Variants in NBAS observed in about 807,000 individuals in gnomAD.
NBAS encodes the protein NAG/BC035112 fusion.
A neutral mutation model predicts 302.5 loss-of-function variants in NBAS; 219 were observed. The observed-to-expected ratio is 0.72, with a 90% CI of 0.65 to 0.81. The LOEUF is 0.81. Among genes scored for constraint, NBAS ranks in the 30% least tolerant of loss-of-function variants. NBAS has a pLI of 0.00. For synonymous variants in NBAS, 1,118 were observed against 1,021.6 expected (o/e 1.09, Z -1.80); for missense variants, 2,932 against 2,841.6 (o/e 1.03, Z -0.72).
chr2:15,166,457 G>C (rs555004247), downstream of NBAS, among the ~76,000 whole-genome samples: 1 of 152,300 alleles, frequency 6.6e-6, no homozygotes, highest in Non-Finnish European at 1.5e-5. Context: ...ACTAGTGAGT[G>C]GGACAGAGAG....
At chr2:15,132,011 C>A in the NBAS span, among the ~76,000 whole-genome samples, 1 of 152,208 alleles carries the variant, frequency 6.6e-6, no homozygotes, top group Non-Finnish European at 1.5e-5. Context: ...CCTTCAACAT[C>A]AGGGATCATA....
At chr2:14,805,168 T>C in the NBAS span, among the ~76,000 whole-genome samples, 1 of 152,186 alleles carries the variant, frequency 6.6e-6, no homozygotes, top group African/African-American at 2.4e-5. Flanking sequence ...TGACAGGTGC[T>C]AGCAGAGATG....
At chr2:15,073,314 A>G in the NBAS span, among the ~76,000 whole-genome samples, 3 of 151,952 alleles carry the variant, frequency 2.0e-5, no homozygotes, top group East Asian at 5.8e-4. Context: ...CACTGTCTCT[A>G]CTAAAAATAC....
intron 9 of NBAS, among the ~76,000 whole-genome samples, chr2:15,515,430 G>A (rs1253398615): frequency 6.6e-6 from 1 of 152,190 alleles, no homozygotes. Flanking sequence ...GTGCATGCCT[G>A]TAGTCCCAGC....
At chr2:15,209,397 T>A (rs867062893) in intron 48 of NBAS, among the ~76,000 whole-genome samples, 2 of 152,220 alleles carry the variant, frequency 1.3e-5, no homozygotes, top group South Asian at 2.1e-4. Flanking sequence ...ATTCCAACTA[T>A]TCCAAACAAT....
the NBAS span, among the ~76,000 whole-genome samples, chr2:15,085,646 C>A: frequency 1.3e-5 from 2 of 152,134 alleles, no homozygotes; most frequent in Non-Finnish European, 2.9e-5. Context: ...TGCAGCCACC[C>A]AAGTCAGGAT....
intron 32 of NBAS, among the ~76,000 whole-genome samples, chr2:15,361,077 G>T (rs755564975): frequency 6.6e-6 from 1 of 152,128 alleles, no homozygotes; most frequent in African/African-American, 2.4e-5. Flanking sequence ...AGTGAATAAC[G>T]TGTTATAACG....
chr2:14,864,603 T>C, the NBAS span, among the ~76,000 whole-genome samples: 1 of 152,134 alleles, frequency 6.6e-6, no homozygotes, highest in African/African-American at 2.4e-5. Flanking sequence ...AAGGAAATAA[T>C]GTATTGTAAA....
At chr2:14,922,915 G>T in the NBAS span, among the ~76,000 whole-genome samples, 1 of 152,178 alleles carries the variant, frequency 6.6e-6, no homozygotes, top group Admixed American at 6.5e-5. Context: ...CACTTTGGGA[G>T]GCCGAGGTGG....
chr2:14,782,073 G>A, the NBAS span, among the ~76,000 whole-genome samples: 1 of 152,076 alleles, frequency 6.6e-6, no homozygotes, highest in Non-Finnish European at 1.5e-5. Context: ...ACTGACTGGG[G>A]TATCCATCAT....
At chr2:15,543,270 T>C (rs1417997831) in intron 6 of NBAS, among the ~76,000 whole-genome samples, 1 of 152,168 alleles carries the variant, frequency 6.6e-6, no homozygotes, top group Non-Finnish European at 1.5e-5. Context: ...CTATTTTCTC[T>C]GCCTGGAACA....
chr2:15,102,349 G>A, the NBAS span, among the ~76,000 whole-genome samples: 1 of 152,174 alleles, frequency 6.6e-6, no homozygotes, highest in Non-Finnish European at 1.5e-5. Context: ...ACACACCCAG[G>A]AACTGCAGAC....
chr2:15,029,986 A>T, the NBAS span, among the ~76,000 whole-genome samples: 1 of 152,216 alleles, frequency 6.6e-6, no homozygotes, highest in Non-Finnish European at 1.5e-5. Context: ...AAAAGGATTC[A>T]TTTTTCAAAA....
intron 11 of NBAS, among the ~76,000 whole-genome samples, chr2:15,500,018 T>C (rs1481776779): frequency 6.6e-6 from 1 of 152,208 alleles, no homozygotes; most frequent in Admixed American, 6.5e-5. Context: ...ATCCTTCTAC[T>C]ACTGGCAGCA....
At chr2:15,454,417 T>C (rs915875003) in intron 21 of NBAS, among the ~76,000 whole-genome samples, 5 of 152,100 alleles carry the variant, frequency 3.3e-5, no homozygotes, top group Non-Finnish European at 7.4e-5. Flanking sequence ...AAAAAAACTG[T>C]TAAATCCAAA....
the NBAS span, among the ~76,000 whole-genome samples, chr2:15,013,332 A>G: frequency 6.6e-6 from 1 of 152,248 alleles, no homozygotes; most frequent in Non-Finnish European, 1.5e-5. Flanking sequence ...TTATTACTAT[A>G]GAAAACCATC....
chr2:15,209,960 T>C (rs1013907877), intron 48 of NBAS, among the ~76,000 whole-genome samples: 2 of 152,106 alleles, frequency 1.3e-5, no homozygotes, highest in Non-Finnish European at 2.9e-5. Context: ...TCTCACCATA[T>C]ATAAAAATCA....
chr2:14,952,536 G>A, the NBAS span, among the ~76,000 whole-genome samples: 1 of 152,202 alleles, frequency 6.6e-6, no homozygotes, highest in East Asian at 1.9e-4. Flanking sequence ...TGGAGTGAAA[G>A]CTGTAAGAAA....
chr2:14,889,857 A>G, the NBAS span, among the ~76,000 whole-genome samples: 7 of 152,246 alleles, frequency 4.6e-5, no homozygotes, highest in African/African-American at 1.7e-4. Flanking sequence ...TAGATGATCA[A>G]TGAATTTACA....
Sources: allele counts gnomAD v4.1 joint callset (sites outside exome capture counted in the v4.1 genomes callset), GRCh38; gene constraint gnomAD v4.1.1; transcripts MANE v1.5; gene names NCBI Gene and HGNC (gene_info 2026-07-23, HGNC 2026-07-21).